PILRA: variants seen among roughly 807,000 people sequenced by gnomAD.
PILRA encodes the protein paired immunoglobin like type 2 receptor alpha, also known as paired immunoglobulin-like type 2 receptor alpha.
Under a neutral mutation model 33.1 loss-of-function variants are expected in PILRA, and 37 were observed. The observed-to-expected ratio is 1.12, with a 90% CI of 0.86 to 1.47. The LOEUF (loss-of-function observed/expected upper bound fraction) is 1.47, where lower values mean the gene tolerates loss of function less well. Among genes scored for constraint, PILRA ranks in the 40% most tolerant of loss-of-function variants. PILRA has a pLI of 0.00. For synonymous variants in PILRA, 146 were observed against 149.9 expected (o/e 0.97, Z 0.19); for missense variants, 312 against 376.2 (o/e 0.83, Z 1.41).
intron 2 of PILRA, among the ~76,000 whole-genome samples, chr7:100,381,965 G>C (rs1364269722): frequency 6.6e-6 from 1 of 152,138 alleles, no homozygotes; most frequent in Non-Finnish European, 1.5e-5. Context: ...GGCAGGGCAG[G>C]GCTCGGGACC....
chr7:100,383,222 C>A (rs925825433), intron 2 of PILRA, among the ~76,000 whole-genome samples: 1 of 152,064 alleles, frequency 6.6e-6, no homozygotes, highest in African/African-American at 2.4e-5. Flanking sequence ...CAGCAGCAGG[C>A]CTCTGAAAAG....
In PILRA at chr7:100,374,395, G is replaced by T. The variant is rs1307321833; in HGVS notation, c.416G>T (p.Trp139Leu). 9.3e-6 allele frequency: 15 copies of T among 1,613,948 alleles called. No homozygotes were observed. The highest frequency in any genetic ancestry group is 2.2e-5 in the East Asian group (1 of 44,898). Reference protein sequence around the residue: ...LDTRSSGRQQWQSIEGTKLSI... With the variant: ...LDTRSSGRQQLQSIEGTKLSI... Reference sequence around the variant, plus strand: ...ACACGGAGCTCAGGGAGGCAGCAGTGGCAGTCCATCGAGGGGACCAAACTC... The same window carrying T: ...ACACGGAGCTCAGGGAGGCAGCAGTTGCAGTCCATCGAGGGGACCAAACTC... Residue 139 changes from tryptophan to leucine, a missense_variant, in exon 2 of 7, where the codon TGG becomes TTG. Trp to Leu is a moderately conservative substitution (Grantham distance 61). Coordinates refer to ENST00000198536, the MANE Select transcript of PILRA (RefSeq NM_013439.3).
chr7:100,373,800 T>C, intron 1 of PILRA, 80 bp downstream of exon 1: 1 of 1,564,530 alleles, frequency 6.4e-7, no homozygotes, highest in South Asian at 1.1e-5. Context: ...TGGGACATCT[T>C]GGGGAGGGCC....
intron 2 of PILRA, among the ~76,000 whole-genome samples, chr7:100,387,656 C>T (rs190093868): frequency 1.3e-4 from 20 of 152,260 alleles, no homozygotes; most frequent in East Asian, 3.9e-4. Context: ...CAGTGAGGTA[C>T]GATTGCGCAC....
intron 2 of PILRA, among the ~76,000 whole-genome samples, chr7:100,383,728 C>T (rs1791180259): frequency 6.6e-6 from 1 of 151,866 alleles, no homozygotes; most frequent in South Asian, 2.1e-4. Flanking sequence ...CTCTTGCCTC[C>T]TGGGTTCAAG....
intron 2 of PILRA, among the ~76,000 whole-genome samples, chr7:100,388,438 T>C (rs551033984): frequency 3.9e-5 from 6 of 152,048 alleles, no homozygotes; most frequent in Non-Finnish European, 7.4e-5. Context: ...TTCTCACTTA[T>C]TAAGACAATC....
intron 2 of PILRA, among the ~76,000 whole-genome samples, chr7:100,386,980 C>G (rs1791267931): frequency 6.6e-6 from 1 of 152,118 alleles, no homozygotes. Context: ...TAAATTTTTA[C>G]AAGAATTTCT....
chr7:100,385,012 G>A (rs1003098084), intron 2 of PILRA, among the ~76,000 whole-genome samples: 2 of 152,172 alleles, frequency 1.3e-5, no homozygotes, highest in Non-Finnish European at 2.9e-5. Flanking sequence ...GGAGAGTGAG[G>A]AGTATCAAAT....
intron 2 of PILRA, among the ~76,000 whole-genome samples, chr7:100,388,749 CAAAAAAAAAAA>C (rs913179599): frequency 7.4e-3 from 95 of 12,868 alleles, no homozygotes; most frequent in African/African-American, 0.017. Flanking sequence ...GCCTCCGTCT[CAAAAAAAAAAA>C]AAAAAAAAAA....
intron 6 of PILRA, 35 bp from the exon 7 acceptor site, chr7:100,399,750 A>G: frequency 6.2e-7 from 1 of 1,611,100 alleles, no homozygotes; most frequent in Non-Finnish European, 8.5e-7. Flanking sequence ...CTCCGTCTCC[A>G]CTGTCTAACC....
intron 2 of PILRA, among the ~76,000 whole-genome samples, chr7:100,384,429 A>AAT (rs1491151751): frequency 3.0e-5 from 4 of 134,202 alleles, no homozygotes; most frequent in South Asian, 2.4e-4. Flanking sequence ...AAAAAAAAAA[A>AAT]TTTTTTTTTT....
intron 2 of PILRA, among the ~76,000 whole-genome samples, chr7:100,385,335 CTTGTACTTGA>C (rs1196209221): frequency 6.6e-6 from 1 of 151,662 alleles, no homozygotes; most frequent in African/African-American, 2.4e-5. Context: ...GTATCTTGTA[CTTGTACTTGA>C]TTGTACTTGG....
chr7:100,396,343 T>A (rs1791492507), intron 3 of PILRA, among the ~76,000 whole-genome samples: 1 of 152,182 alleles, frequency 6.6e-6, no homozygotes, highest in African/African-American at 2.4e-5. Context: ...TATAATGGAA[T>A]ATTATTCAGT....
At chr7:100,385,835 G>A (rs1791240529) in intron 2 of PILRA, among the ~76,000 whole-genome samples, 1 of 151,646 alleles carries the variant, frequency 6.6e-6, no homozygotes, top group Non-Finnish European at 1.5e-5. Flanking sequence ...CACCATGTTG[G>A]TCAGGCTGGT....
At position 100,399,567 on chromosome 7, in the gene PILRA, C is replaced by T. The variant is rs996324944; in HGVS notation, c.758-14C>T. ...CGCCACCTGACCTTGGCACACCTTGCTTTTTATTCTTAGGACAAAATACAG... is the reference window on the plus strand; with the variant it reads ...CGCCACCTGACCTTGGCACACCTTGTTTTTTATTCTTAGGACAAAATACAG... On this transcript the variant is annotated splice_polypyrimidine_tract_variant and intron_variant, in intron 5 of 6. Coordinates refer to ENST00000198536, the MANE Select transcript of PILRA (RefSeq NM_013439.3). The T allele has an allele frequency of 2.3e-5, 37 of 1,614,020 alleles. No individual in the cohort carries two copies. The highest frequency in any genetic ancestry group is 3.1e-5 in the Non-Finnish European group (36 of 1,180,020).
upstream of PILRA, among the ~76,000 whole-genome samples, chr7:100,372,150 G>A (rs1444043563): frequency 2.6e-5 from 4 of 152,180 alleles, no homozygotes; most frequent in African/African-American, 7.2e-5. Context: ...TCAGCCCAAA[G>A]CCCCCGTCCC....
chr7:100,398,780 C>T (rs555424232), intron 4 of PILRA, among the ~76,000 whole-genome samples: 3 of 152,232 alleles, frequency 2.0e-5, no homozygotes, highest in South Asian at 2.1e-4. Flanking sequence ...CACTGAGCAC[C>T]GAGGGACCTC....
chr7:100,378,404 T>C (rs1323304793), intron 2 of PILRA, among the ~76,000 whole-genome samples: 2 of 151,870 alleles, frequency 1.3e-5, no homozygotes, highest in East Asian at 3.8e-4. Flanking sequence ...GCCTGTTCCT[T>C]CCCCAATGTT....
chr7:100,391,181 A>ATT, intron 3 of PILRA, among the ~76,000 whole-genome samples: 1 of 142,020 alleles, frequency 7.0e-6, no homozygotes, highest in African/African-American at 2.7e-5. Context: ...TAATAATAAT[A>ATT]ATAATTATTA....
Sources: gnomAD v4.1 joint callset for allele counts (sites outside exome capture counted in the v4.1 genomes callset) on GRCh38, gnomAD v4.1.1 for gene constraint, MANE v1.5 for transcripts, NCBI Gene and HGNC (gene_info 2026-07-23, HGNC 2026-07-21) for gene names.